The following VAV3 variants were observed in gnomAD, a reference collection of about 807,000 sequenced individuals.
VAV3 encodes vav guanine nucleotide exchange factor 3, also known as guanine nucleotide exchange factor VAV3.
Under a neutral mutation model 131.2 loss-of-function variants are expected in VAV3, and 94 were observed. The observed-to-expected ratio is 0.72, with a 90% CI of 0.61 to 0.85. The LOEUF is 0.85. Ranked by LOEUF, VAV3 falls within the 40% of genes least tolerant of loss-of-function variation. The pLI, the probability that VAV3 is intolerant of heterozygous loss-of-function variation, is 0.00. For missense variants in VAV3, 939 were observed against 1,002.7 expected (o/e 0.94, Z 0.86); for synonymous variants, 349 against 342.0 (o/e 1.02, Z -0.22).
At chr1:107,891,532 T>C (rs1014045094) in intron 1 of VAV3, among the ~76,000 whole-genome samples, 2 of 151,972 alleles carry the variant, frequency 1.3e-5, no homozygotes, top group Admixed American at 6.6e-5. Context: ...TAACTTAGTG[T>C]AGTCATTAAG....
At chr1:107,812,039 C>T (rs1570986578) in intron 2 of VAV3, among the ~76,000 whole-genome samples, 1 of 152,314 alleles carries the variant, frequency 6.6e-6, no homozygotes, top group East Asian at 1.9e-4. Context: ...GCCTCTATAA[C>T]AGCAAGCACT....
chr1:107,856,989 G>A (rs1669503127), intron 2 of VAV3, among the ~76,000 whole-genome samples: 2 of 152,142 alleles, frequency 1.3e-5, no homozygotes, highest in Admixed American at 6.5e-5. Context: ...CAGTGAGTTA[G>A]GATTGCACCA....
chr1:107,685,005 C>T (rs1004175664), intron 18 of VAV3, among the ~76,000 whole-genome samples: 11 of 152,100 alleles, frequency 7.2e-5, no homozygotes, highest in Non-Finnish European at 1.0e-4. Context: ...CTTCTTAATG[C>T]ACAATAGAAG....
In VAV3 at chr1:107,964,883, G is replaced by C. The variant is rs767098078; in HGVS notation, c.-14C>G. 9.9e-6 allele frequency: 15 copies of C among 1,508,712 alleles called. No homozygotes were observed. The East Asian group carries it at 3.2e-4, about 32-fold the overall frequency. The allele number at this position is 1,508,712 out of a possible 1,614,324, so 93.5% of individuals were successfully genotyped here. ...CCACGGCTCCATGCCCGACGGCTCC[G>C]GGACGCGGCTGGGCCGGGGCGGGCG... is the stretch of plus-strand genomic sequence containing the variant. On this transcript the variant is annotated 5_prime_UTR_variant, in exon 1 of 27. Transcript: ENST00000370056.
chr1:107,807,626 C>T (rs113586421), intron 2 of VAV3, among the ~76,000 whole-genome samples: 7 of 152,312 alleles, frequency 4.6e-5, no homozygotes, highest in African/African-American at 1.7e-4. Context: ...TTATAACCAG[C>T]ACATAGCCCA....
chr1:107,768,553 C>T (rs1180703509), intron 6 of VAV3, 44 bp from the exon 7 acceptor site: 3 of 1,488,448 alleles, frequency 2.0e-6, no homozygotes, highest in Non-Finnish European at 2.8e-6. Context: ...TATAACTTGT[C>T]CTAATCTATA....
intron 9 of VAV3, among the ~76,000 whole-genome samples, chr1:107,763,608 A>G (rs1664563907): frequency 1.3e-5 from 2 of 152,232 alleles, no homozygotes; most frequent in African/African-American, 4.8e-5. Context: ...GAGGAGCAGG[A>G]AGTCTTTGCA....
intron 20 of VAV3, among the ~76,000 whole-genome samples, chr1:107,631,110 C>A (rs190726172): frequency 2.0e-5 from 3 of 152,164 alleles, no homozygotes; most frequent in Non-Finnish European, 4.4e-5. Context: ...CAAAAAGGTA[C>A]CCCTTATTTG....
chr1:107,632,126 C>T (rs139108761), intron 20 of VAV3, among the ~76,000 whole-genome samples: 76 of 152,306 alleles, frequency 5.0e-4, no homozygotes, highest in African/African-American at 1.8e-3. Flanking sequence ...TATTTTGTAG[C>T]TACGTTTAAT....
chr1:107,594,183 A>G (rs1006591179), intron 25 of VAV3, among the ~76,000 whole-genome samples: 1 of 152,030 alleles, frequency 6.6e-6, no homozygotes, highest in African/African-American at 2.4e-5. Flanking sequence ...TTTACGAGGG[A>G]GATCTTACCT....
chr1:107,714,653 A>C (rs562881755), intron 15 of VAV3, among the ~76,000 whole-genome samples: 2 of 152,210 alleles, frequency 1.3e-5, no homozygotes, highest in South Asian at 4.1e-4. Context: ...ACCATAGCAT[A>C]CTAATTATGC....
intron 25 of VAV3, among the ~76,000 whole-genome samples, chr1:107,592,203 G>T (rs1262356479): frequency 6.6e-6 from 1 of 151,950 alleles, no homozygotes; most frequent in East Asian, 1.9e-4. Flanking sequence ...TGACACTGAA[G>T]GTTTTAGAGT....
intron 1 of VAV3, 152 bp downstream of exon 1, chr1:107,964,514 G>GCCAAAGTGGTGCCGAAGTGGTC: frequency 1.3e-6 from 1 of 799,550 alleles, no homozygotes; most frequent in Non-Finnish European, 1.9e-6. Context: ...GGTAGGAAAC[G>GCCAAAGTGGTGCCGAAGTGGTC]CCAAAGTGGT....
At chr1:107,950,461 G>T (rs982477037) in intron 1 of VAV3, among the ~76,000 whole-genome samples, 2 of 152,194 alleles carry the variant, frequency 1.3e-5, no homozygotes, top group African/African-American at 4.8e-5. Context: ...GGGATTCAGG[G>T]TGTCTGGGAT....
At chr1:107,763,294 G>A (rs1053822789) in intron 9 of VAV3, among the ~76,000 whole-genome samples, 7 of 152,104 alleles carry the variant, frequency 4.6e-5, no homozygotes, top group Non-Finnish European at 5.9e-5. Flanking sequence ...TCCCTAAGTC[G>A]AGCATTGACT....
intron 19 of VAV3, among the ~76,000 whole-genome samples, chr1:107,673,873 G>C (rs1658002134): frequency 6.6e-6 from 1 of 152,154 alleles, no homozygotes; most frequent in Admixed American, 6.6e-5. Context: ...TAGGTAATTT[G>C]TCCAGAGAAC....
chr1:107,860,444 G>T (rs1176655715), intron 2 of VAV3, among the ~76,000 whole-genome samples: 1 of 145,262 alleles, frequency 6.9e-6, no homozygotes, highest in African/African-American at 2.4e-5. Context: ...ATTACCACTG[G>T]GAACAAAGGC....
intron 17 of VAV3, among the ~76,000 whole-genome samples, chr1:107,694,775 T>C (rs1047878687): frequency 6.6e-6 from 1 of 152,168 alleles, no homozygotes; most frequent in African/African-American, 2.4e-5. Context: ...TGTTGATCCA[T>C]TCACTCACTC....
At chr1:107,700,167 A>C (rs1660011353) in intron 17 of VAV3, among the ~76,000 whole-genome samples, 1 of 152,250 alleles carries the variant, frequency 6.6e-6, no homozygotes, top group South Asian at 2.1e-4. Context: ...AGTATTCTTA[A>C]AAAGGTAAGC....
Sources: allele counts gnomAD v4.1 joint callset (sites outside exome capture counted in the v4.1 genomes callset), GRCh38; gene constraint gnomAD v4.1.1; transcripts MANE v1.5; gene names NCBI Gene and HGNC (gene_info 2026-07-23, HGNC 2026-07-21).